Variants in EXOC6B observed in about 807,000 individuals in gnomAD.
EXOC6B encodes SEC15 homolog B.
Under a neutral mutation model 113.5 loss-of-function variants are expected in EXOC6B, and 54 were observed. The ratio of observed to expected loss-of-function variants is 0.48; its 90% CI spans 0.38 to 0.60. The LOEUF is 0.60. EXOC6B is among the 20% of genes least tolerant of loss of function. The pLI is 0.00. For missense variants in EXOC6B, 797 were observed against 977.5 expected (o/e 0.82, Z 2.46); for synonymous variants, 357 against 339.0 (o/e 1.05, Z -0.58).
At chr2:72,684,944 G>A (rs144291135) in intron 6 of EXOC6B, among the ~76,000 whole-genome samples, 2 of 152,094 alleles carry the variant, frequency 1.3e-5, no homozygotes, top group East Asian at 3.9e-4. Flanking sequence ...TCAAAAACTC[G>A]CTTCAGATTT....
chr2:72,388,759 T>G (rs2105101586), intron 18 of EXOC6B, among the ~76,000 whole-genome samples: 1 of 152,310 alleles, frequency 6.6e-6, no homozygotes, highest in Non-Finnish European at 1.5e-5. Flanking sequence ...GACACACGGT[T>G]GTAATGTCTT....
intron 5 of EXOC6B, among the ~76,000 whole-genome samples, chr2:72,722,300 T>G (rs1246790044): frequency 3.9e-5 from 6 of 152,266 alleles, no homozygotes; most frequent in Non-Finnish European, 1.5e-5. Flanking sequence ...ATATATTTGG[T>G]ATAGGAAAAA....
chr2:72,492,319 T>C lies in EXOC6B; in HGVS notation c.1664A>G (p.Glu555Gly). Residue 555 changes from glutamate to glycine, a missense_variant and splice_region_variant, in exon 16 of 22, where the codon GAG (glutamate) becomes GGG (glycine). Transcript: ENST00000272427. Reference sequence around the variant, plus strand: ...TGCCTTCATTAGGAGCAGGTTTACCTCAGTAAGCCCAATATTCTTCCTTTT... The same window carrying C: ...TGCCTTCATTAGGAGCAGGTTTACCCCAGTAAGCCCAATATTCTTCCTTTT... ...VIKRKNIGLTELVQIIINTTH... is the reference protein window; with the variant it reads ...VIKRKNIGLTGLVQIIINTTH... 1 of 1,601,642 alleles carries C rather than the reference T, an allele frequency of 6.2e-7. No individual in the cohort carries two copies.
At chr2:72,321,424 A>T (rs1017380271) in intron 20 of EXOC6B, among the ~76,000 whole-genome samples, 1 of 151,448 alleles carries the variant, frequency 6.6e-6, no homozygotes, top group Non-Finnish European at 1.5e-5. Context: ...AGTCCCAGCT[A>T]CTCGGGAGGC....
chr2:72,368,838 T>C (rs1448491232), intron 19 of EXOC6B, among the ~76,000 whole-genome samples: 1 of 152,150 alleles, frequency 6.6e-6, no homozygotes, highest in Non-Finnish European at 1.5e-5. Flanking sequence ...AAACTCTCAA[T>C]AAATTAGGCA....
chr2:72,185,026 T>C (rs1042254831), intron 20 of EXOC6B, among the ~76,000 whole-genome samples: 1 of 152,226 alleles, frequency 6.6e-6, no homozygotes, highest in African/African-American at 2.4e-5. Context: ...TAAACTTTTG[T>C]CAAAGGCTTT....
intron 1 of EXOC6B, among the ~76,000 whole-genome samples, chr2:72,807,138 G>A (rs1685625158): frequency 6.6e-6 from 1 of 152,112 alleles, no homozygotes; most frequent in Non-Finnish European, 1.5e-5. Context: ...CGCTTCCAGA[G>A]TTTTCATAGC....
chr2:72,575,565 A>G lies in EXOC6B; in HGVS notation c.773T>C (p.Ile258Thr). Reference sequence around the variant, plus strand: ...TTCAGACTTCGGACTAGTACTTTCTATCTCTGTATCAAAGATTATATATGC... The same window carrying G: ...TTCAGACTTCGGACTAGTACTTTCTGTCTCTGTATCAAAGATTATATATGC... ...KDAYIIFDTE[I>T]ESTSPKSEQD... Residue 258 changes from isoleucine (I) to threonine (T), a missense_variant, in exon 7 of 22, where the codon ATA becomes ACA. By Grantham distance (89) the Ile-to-Thr change is moderately conservative (BLOSUM62 -1). Coordinates refer to ENST00000272427, the MANE Select transcript of EXOC6B (RefSeq NM_015189.3). 1 of 1,611,754 alleles carries G rather than the reference A, an allele frequency of 6.2e-7. No homozygotes were observed. Among genetic ancestry groups the G allele is most frequent in the African/African-American group, 1.3e-5 (1 of 74,858 alleles).
intron 1 of EXOC6B, among the ~76,000 whole-genome samples, chr2:72,759,422 A>C (rs1390104570): frequency 6.6e-6 from 1 of 152,118 alleles, no homozygotes; most frequent in East Asian, 1.9e-4. Flanking sequence ...AGAGTCATAA[A>C]ATTTTTCCAT....
At chr2:72,774,389 T>C (rs1011088906) in intron 1 of EXOC6B, among the ~76,000 whole-genome samples, 5 of 152,066 alleles carry the variant, frequency 3.3e-5, no homozygotes. Context: ...ATGGGTGAAA[T>C]AAAAAATAGT....
intron 6 of EXOC6B, among the ~76,000 whole-genome samples, chr2:72,657,567 C>CTTTTTTTTTTTT (rs70963136): frequency 8.5e-4 from 43 of 50,376 alleles, no homozygotes; most frequent in Admixed American, 1.1e-3. Context: ...CTTTCCTTTT[C>CTTTTTTTTTTTT]TTTTTTTTTT....
At chr2:72,367,961 C>T (rs561008445) in intron 19 of EXOC6B, among the ~76,000 whole-genome samples, 1 of 152,144 alleles carries the variant, frequency 6.6e-6, no homozygotes, top group Non-Finnish European at 1.5e-5. Context: ...ACTTGAAAGA[C>T]AGTCTAGAAC....
intron 11 of EXOC6B, among the ~76,000 whole-genome samples, chr2:72,502,525 G>A (rs1023098308): frequency 3.3e-5 from 5 of 152,238 alleles, no homozygotes; most frequent in Admixed American, 3.3e-4. Flanking sequence ...CCCACCCCGG[G>A]CAACAAAGTG....
chr2:72,230,195 G>A (rs370258099), intron 20 of EXOC6B, among the ~76,000 whole-genome samples: 1 of 152,124 alleles, frequency 6.6e-6, no homozygotes, highest in Non-Finnish European at 1.5e-5. Context: ...ATTTAACTCC[G>A]CGTGTCCCAA....
At chr2:72,510,905 CAT>C (rs1700860684) in intron 11 of EXOC6B, among the ~76,000 whole-genome samples, 1 of 151,828 alleles carries the variant, frequency 6.6e-6, no homozygotes, top group Non-Finnish European at 1.5e-5. Flanking sequence ...TGGTTGTAAA[CAT>C]ATAAATGTGT....
intron 19 of EXOC6B, among the ~76,000 whole-genome samples, chr2:72,370,550 G>A (rs1690933799): frequency 6.6e-6 from 1 of 152,116 alleles, no homozygotes; most frequent in Admixed American, 6.5e-5. Flanking sequence ...CTGCTATAAA[G>A]ACACATGCAC....
At chr2:72,395,282 A>G (rs1202151764) in intron 18 of EXOC6B, among the ~76,000 whole-genome samples, 1 of 152,148 alleles carries the variant, frequency 6.6e-6, no homozygotes, top group Non-Finnish European at 1.5e-5. Context: ...TTTACAAAAT[A>G]CAATGGTAGA....
intron 6 of EXOC6B, among the ~76,000 whole-genome samples, chr2:72,703,902 G>T (rs919196067): frequency 2.7e-5 from 4 of 150,910 alleles, no homozygotes; most frequent in African/African-American, 9.8e-5. Context: ...TTTCCTAATT[G>T]AATACCCTTT....
intron 6 of EXOC6B, among the ~76,000 whole-genome samples, chr2:72,629,285 A>G (rs1672245760): frequency 6.6e-6 from 1 of 152,202 alleles, no homozygotes; most frequent in African/African-American, 2.4e-5. Context: ...TACTATTCAT[A>G]CAGCCTTGGC....
Sources: gnomAD v4.1 joint callset for allele counts (sites outside exome capture counted in the v4.1 genomes callset) on GRCh38, gnomAD v4.1.1 for gene constraint, MANE v1.5 for transcripts, NCBI Gene and HGNC (gene_info 2026-07-23, HGNC 2026-07-21) for gene names.